LRRC45: variants seen among roughly 807,000 people sequenced by gnomAD.
LRRC45 encodes the protein leucine rich repeat containing 45.
A neutral mutation model predicts 85.4 loss-of-function variants in LRRC45; 73 were observed. The observed-to-expected ratio is 0.85, with a 90% confidence interval of 0.71 to 1.04. The LOEUF (loss-of-function observed/expected upper bound fraction) is 1.04. LRRC45 is among the 50% of genes least tolerant of loss of function. The pLI, the probability that LRRC45 is intolerant of heterozygous loss-of-function variation, is 0.00. For missense variants in LRRC45, 937 were observed against 883.3 expected, an observed-to-expected ratio of 1.06 and a Z score of -0.77; for synonymous variants, 429 against 386.0, an observed-to-expected ratio of 1.11 and a Z score of -1.31.
chr17:82,023,718 G>A lies in LRRC45; in HGVS notation c.75G>A (p.Gln25=). ...CCGAGCCCCAGGAGGCTGTCCTGCAGCAGCTGCACCAGCTTCCCAGGGGCC... is the reference window on the plus strand; with the variant it reads ...CCGAGCCCCAGGAGGCTGTCCTGCAACAGCTGCACCAGCTTCCCAGGGGCC... ...SGAEPQEAVL[Q]QLHQLPRGRL... is the part of the protein sequence containing the mutation. Residue 25 remains glutamine, a synonymous_variant, in exon 1 of 17, where the codon CAG becomes CAA. Transcript: ENST00000306688. 6.4e-7 allele frequency: 1 copy of A among 1,550,986 alleles called. No homozygotes were observed. Among genetic ancestry groups the A allele is most frequent in the Non-Finnish European group, 8.7e-7 (1 of 1,152,844 alleles).
chr17:82,027,235 G>A (rs1425060576), intron 6 of LRRC45, 151 bp from the exon 7 acceptor site: 1 of 1,032,820 alleles, frequency 9.7e-7, no homozygotes. Context: ...CTCTGCAGGG[G>A]CCACCCTTCC....
rs752606876 is a variant in LRRC45 at position 82,025,404 on chromosome 17, C to A, written c.558C>A (p.Leu186=). The change falls in exon 5 of 17, where the codon CTC becomes CTA. Residue 186 remains leucine, a synonymous_variant. Transcript: ENST00000306688. ...QLDLRWNNVG[L]LGGRALMNCL... ...ACCTGCGCTGGAATAACGTTGGCCT[C>A]CTGGGGGGCCGGGCCCTCATGAACT... The A allele has an allele frequency of 1.3e-6, 2 of 1,596,690 alleles. No individual in the cohort carries two copies. Among genetic ancestry groups the A allele is most frequent in the Non-Finnish European group, 1.7e-6 (2 of 1,171,108 alleles).
intron 1 of LRRC45, 86 bp from the exon 2 acceptor site, chr17:82,024,192 C>G: frequency 6.8e-7 from 1 of 1,476,786 alleles, no homozygotes. Context: ...CTTCCTGGGT[C>G]TAGGGAGCTG....
At chr17:82,028,587 A>G (rs937864759) in intron 11 of LRRC45, 26 bp from the exon 12 acceptor site, 13 of 1,612,552 alleles carry the variant, frequency 8.1e-6, no homozygotes, top group Middle Eastern at 1.6e-4. Context: ...ATGCTCACGC[A>G]TACTCTGCCC....
intron 1 of LRRC45, 110 bp downstream of exon 1, chr17:82,023,973 T>A: frequency 9.0e-7 from 1 of 1,105,940 alleles, no homozygotes; most frequent in Non-Finnish European, 1.3e-6. Context: ...GTGCCGTAGT[T>A]AAAGCGAGCA....
At chr17:82,027,157 G>A (rs2043375260) in intron 6 of LRRC45, 146 bp downstream of exon 6, 2 of 871,516 alleles carry the variant, frequency 2.3e-6, no homozygotes, top group Non-Finnish European at 3.6e-6. Context: ...AGGAAGGAGG[G>A]GCGGCCTCCT....
Position 82,030,359 on chromosome 17 carries a change from G to A in LRRC45, c.1709G>A (p.Ser570Asn). ...GACCAGGAAAGGGTGGCCGAGGTGA[G>A]CAGGGTGCGCGTGGAGCTGCAGGAG... ...LKDQERVAEVSRVRVELQEQN... is the reference protein window; with the variant it reads ...LKDQERVAEVNRVRVELQEQN... Residue 570 changes from serine (S) to asparagine (N), a missense_variant, in exon 16 of 17, where the codon AGC (serine) becomes AAC (asparagine). Physicochemically the swap from Ser to Asn is conservative, Grantham distance 46. Transcript: ENST00000306688. 6.5e-7 allele frequency: 1 copy of A among 1,549,910 alleles called. No homozygotes were observed. The highest frequency in any genetic ancestry group is 8.7e-7 in the Non-Finnish European group (1 of 1,146,820).
In LRRC45 at chr17:82,030,964, C is replaced by T. The variant is rs1410296898; in HGVS notation, c.*159C>T. ...TGGTGGTGTCGCGGCTGCGGGGGAA[C>T]CCCGTGGGAGGCGCCTGGGAAGGGC... On this transcript the variant is annotated 3_prime_UTR_variant, in exon 17 of 17. Transcript: ENST00000306688. 3 of 515,722 alleles carry T rather than the reference C, an allele frequency of 5.8e-6. No homozygotes were observed. Among genetic ancestry groups the T allele is most frequent in the Non-Finnish European group, 6.0e-6 (2 of 332,366 alleles). 31.9% of individuals were successfully genotyped at this position (515,722 alleles called of 1,614,324 possible).
At position 82,030,595 on chromosome 17, in the gene LRRC45, TCCTTG is replaced by T; in HGVS notation, c.1817-11_1817-7del. 1 of 1,458,412 alleles carries T rather than the reference TCCTTG, an allele frequency of 6.9e-7. No homozygotes were observed. The highest frequency in any genetic ancestry group is 9.0e-7 in the Non-Finnish European group (1 of 1,108,030). The allele number at this position is 1,458,412 out of a possible 1,614,324, so 90.3% of individuals were successfully genotyped here. On this transcript the variant is annotated splice_polypyrimidine_tract_variant and intron_variant, in intron 16 of 16. Coordinates refer to ENST00000306688, the MANE Select transcript of LRRC45 (RefSeq NM_144999.4). ...CTGGGGCTGCGTCCGCTCACTGCGC[TCCTTG>T]CCCTGCAGTGATGGCGAGCGACCAC...
chr17:82,028,137 G>T lies in LRRC45; in HGVS notation c.1038G>T (p.Leu346=). Residue 346 remains leucine, a synonymous_variant, in exon 9 of 17, where the codon CTG becomes CTT. Coordinates refer to ENST00000306688, the MANE Select transcript of LRRC45 (RefSeq NM_144999.4). ...AGAGGCAGGCCAAGGAGCTCAAGCT[G>T]GAGCAGCAGGTGGGTGGGCAGGGCT... ...LSQRQAKELK[L]EQQEAAERES... 6.4e-7 allele frequency: 1 copy of T among 1,566,984 alleles called. No homozygotes were observed.
At position 82,027,420 on chromosome 17, in the gene LRRC45, G is replaced by T. The variant is rs375781595; in HGVS notation, c.809G>T (p.Arg270Leu). ...TTGATGGAGACTATTGATAAGCAGCGAGAAGAGATGGCCAAGAGCAGCAGG... is the reference window on the plus strand; with the variant it reads ...TTGATGGAGACTATTGATAAGCAGCTAGAAGAGATGGCCAAGAGCAGCAGG... ...LDLMETIDKQREEMAKSSRAS... is the reference protein window; with the variant it reads ...LDLMETIDKQLEEMAKSSRAS... The change falls in exon 7 of 17, where the codon CGA becomes CTA. Residue 270 changes from arginine to leucine, a missense_variant. Transcript: ENST00000306688. 6.2e-7 allele frequency: 1 copy of T among 1,612,612 alleles called. No individual in the cohort carries two copies. Among genetic ancestry groups the T allele is most frequent in the Non-Finnish European group, 8.5e-7 (1 of 1,179,972 alleles).
chr17:82,023,710 G>A lies in LRRC45; in HGVS notation c.67G>A (p.Val23Ile). ...GAGTGGGGCCGAGCCCCAGGAGGCT[G>A]TCCTGCAGCAGCTGCACCAGCTTCC... ...RESGAEPQEA[V>I]LQQLHQLPRG... Residue 23 changes from valine to isoleucine, a missense_variant, in exon 1 of 17, where the codon GTC becomes ATC. Coordinates refer to ENST00000306688, the MANE Select transcript of LRRC45 (RefSeq NM_144999.4). The A allele has an allele frequency of 1.9e-6, 3 of 1,551,634 alleles. No individual in the cohort carries two copies. The highest frequency in any genetic ancestry group is 2.6e-6 in the Non-Finnish European group (3 of 1,153,640).
chr17:82,029,927 G>A, intron 14 of LRRC45, 138 bp from the exon 15 acceptor site: 2 of 1,123,224 alleles, frequency 1.8e-6, no homozygotes, highest in East Asian at 2.6e-5. Flanking sequence ...GGAGGTGGCT[G>A]CCAGGGGAGC....
chr17:82,025,066 G>A lies in LRRC45; in HGVS notation c.420G>A (p.Leu140=). ...DDAFATFCGG[L]AANGALQRLD... is the part of the protein sequence containing the mutation. ...CCTTCGCCACCTTCTGCGGGGGCCT[G>A]GCGGCCAACGGCGCCCTGCAGCGGC... Residue 140 remains leucine (L), a synonymous_variant, in exon 4 of 17, where the codon CTG becomes CTA. Coordinates refer to ENST00000306688, the MANE Select transcript of LRRC45 (RefSeq NM_144999.4). 12 of 1,609,476 alleles carry A rather than the reference G, an allele frequency of 7.5e-6. No individual in the cohort carries two copies. The highest frequency in any genetic ancestry group is 1.0e-5 in the Non-Finnish European group (12 of 1,178,440).
At chr17:82,024,878 G>T in intron 3 of LRRC45, 115 bp downstream of exon 3, 1 of 1,436,426 alleles carries the variant, frequency 7.0e-7, no homozygotes, top group African/African-American at 1.4e-5. Context: ...TTTCACATAC[G>T]TTGGCAGGGG....
rs1188191979 is a variant in LRRC45, at chr17:82,030,302, G to C, written c.1669-17G>C. Reference sequence around the variant, plus strand: ...CCCCCAACCCTCGCCTCACTCCCCAGCCTTCGTGCCTGGCAGGAGCTGAGC... The same window carrying C: ...CCCCCAACCCTCGCCTCACTCCCCACCCTTCGTGCCTGGCAGGAGCTGAGC... On this transcript the variant is annotated splice_polypyrimidine_tract_variant and intron_variant, in intron 15 of 16. Transcript: ENST00000306688. 1 of 1,547,118 alleles carries C rather than the reference G, an allele frequency of 6.5e-7. No homozygotes were observed. Among genetic ancestry groups the C allele is most frequent in the African/African-American group, 1.4e-5 (1 of 72,972 alleles).
At chr17:82,024,047 TAAC>T in intron 1 of LRRC45, 184 bp downstream of exon 1, 1 of 712,138 alleles carries the variant, frequency 1.4e-6, no homozygotes, top group Non-Finnish European at 2.3e-6. Context: ...GGAGAGGCCT[TAAC>T]ATTCGCGGTC....
chr17:82,025,306 G>A (rs2043358953), intron 4 of LRRC45, 73 bp from the exon 5 acceptor site: 3 of 1,527,858 alleles, frequency 2.0e-6, no homozygotes, highest in Non-Finnish European at 2.6e-6. Flanking sequence ...TGCCCCCTAG[G>A]GAAGCACCCC....
At chr17:82,027,979 C>G in intron 8 of LRRC45, 32 bp from the exon 9 acceptor site, 3 of 1,568,196 alleles carry the variant, frequency 1.9e-6, no homozygotes, top group Non-Finnish European at 2.6e-6. Flanking sequence ...AAACTCCAAC[C>G]GGGGCGGGGG....
Sources: gnomAD v4.1 joint callset for allele counts on GRCh38, gnomAD v4.1.1 for gene constraint, MANE v1.5 for transcripts, NCBI Gene and HGNC (gene_info 2026-07-23, HGNC 2026-07-21) for gene names.